Variants in RGL1 observed in about 807,000 individuals in gnomAD.
RGL1 encodes ral guanine nucleotide dissociation stimulator-like 1.
A neutral mutation model predicts 95.2 loss-of-function variants in RGL1; 24 were observed. That is an observed-to-expected ratio of 0.25 (90% confidence interval 0.18 to 0.35). RGL1 has a LOEUF of 0.35. Ranked by LOEUF, RGL1 falls within the 10% of genes least tolerant of loss-of-function variation. The pLI is 1.00. For synonymous variants in RGL1, 329 were observed against 344.9 expected (o/e 0.95, Z 0.51); for missense variants, 715 against 936.3 (o/e 0.76, Z 3.08).
intron 1 of RGL1, among the ~76,000 whole-genome samples, chr1:183,686,618 G>A (rs1572275882): frequency 6.6e-6 from 1 of 152,168 alleles, no homozygotes; most frequent in African/African-American, 2.4e-5. Context: ...TGCATAGAAA[G>A]GTTGTAGAAA....
chr1:183,816,610 T>C (rs541855466), intron 2 of RGL1, among the ~76,000 whole-genome samples: 180 of 152,354 alleles, frequency 1.2e-3, no homozygotes, highest in African/African-American at 3.9e-3. Context: ...GATGAGTTAA[T>C]GTGTATAAAA....
intron 1 of RGL1, among the ~76,000 whole-genome samples, chr1:183,654,447 A>G (rs1025824056): frequency 2.6e-5 from 4 of 152,210 alleles, no homozygotes; most frequent in African/African-American, 9.6e-5. Flanking sequence ...ATGACAATCT[A>G]TTGCAAACAT....
chr1:183,885,297 C>T (rs1667052380), intron 7 of RGL1, among the ~76,000 whole-genome samples: 1 of 152,174 alleles, frequency 6.6e-6, no homozygotes, highest in African/African-American at 2.4e-5. Flanking sequence ...GTATGGTCTG[C>T]ATGTCAAAAC....
At chr1:183,775,925 CT>C (rs1221151712) in intron 2 of RGL1, among the ~76,000 whole-genome samples, 1 of 152,036 alleles carries the variant, frequency 6.6e-6, no homozygotes, top group Non-Finnish European at 1.5e-5. Flanking sequence ...TATATTTGTG[CT>C]TTTCTATGTC....
chr1:183,905,159 C>T (rs1272766611), intron 13 of RGL1, among the ~76,000 whole-genome samples, 188 bp downstream of exon 13: 1 of 152,194 alleles, frequency 6.6e-6, no homozygotes, highest in Non-Finnish European at 1.5e-5. Context: ...GATGTACTTT[C>T]AGACTCTTGC....
intron 2 of RGL1, among the ~76,000 whole-genome samples, chr1:183,840,166 T>A (rs567550754): frequency 1.3e-5 from 2 of 152,156 alleles, no homozygotes; most frequent in African/African-American, 2.4e-5. Flanking sequence ...AGGACCCCTA[T>A]GGAATGAGGG....
intron 2 of RGL1, among the ~76,000 whole-genome samples, chr1:183,769,483 A>T (rs1659167301): frequency 6.6e-6 from 1 of 152,240 alleles, no homozygotes; most frequent in Non-Finnish European, 1.5e-5. Context: ...AAGTCACATG[A>T]ACTTGAAACA....
intron 9 of RGL1, among the ~76,000 whole-genome samples, chr1:183,895,949 C>G (rs899635244): frequency 1.3e-5 from 2 of 152,162 alleles, no homozygotes; most frequent in African/African-American, 4.8e-5. Flanking sequence ...TTTGAGATCC[C>G]TTTCACCTCT....
chr1:183,738,717 A>G (rs903811337), intron 1 of RGL1, among the ~76,000 whole-genome samples: 4 of 152,118 alleles, frequency 2.6e-5, no homozygotes, highest in Non-Finnish European at 4.4e-5. Context: ...CCTGGCCAAC[A>G]TGGTAAAATC....
intron 2 of RGL1, among the ~76,000 whole-genome samples, chr1:183,757,990 A>G (rs1160959102): frequency 4.6e-5 from 7 of 152,164 alleles, no homozygotes; most frequent in African/African-American, 1.4e-4. Context: ...ACTGGTACCA[A>G]TCTTGCTCTG....
Position 183,917,425 on chromosome 1 carries a change from A to C in RGL1, c.2004+724A>C, listed in dbSNP as rs1005532146. 3.3e-5 allele frequency among the ~76,000 whole-genome samples: 5 copies of C among 152,140 alleles called. 1 individual carries two copies. The highest frequency in any genetic ancestry group is 2.0e-4 in the Admixed American group (3 of 15,274). ...ATATAAACTCCTTAGTTTATGGGAG[A>C]TAATCATGTATTGGAAATCACTTTA... On this transcript the variant is annotated intron_variant, in intron 16 of 17. Coordinates refer to ENST00000360851, the MANE Select transcript of RGL1 (RefSeq NM_001297671.3).
At chr1:183,740,514 T>C (rs1657226489) in intron 1 of RGL1, among the ~76,000 whole-genome samples, 1 of 152,258 alleles carries the variant, frequency 6.6e-6, no homozygotes, top group African/African-American at 2.4e-5. Flanking sequence ...TAGATTTCAA[T>C]TTCCACTTAC....
rs1667788116 is a variant in RGL1 at position 183,897,793 on chromosome 1, A to C, written c.1141-15A>C. 5 of 1,602,376 alleles carry C rather than the reference A, an allele frequency of 3.1e-6. No homozygotes were observed. The highest frequency in any genetic ancestry group is 4.3e-6 in the Non-Finnish European group (5 of 1,169,434). On this transcript the variant is annotated splice_polypyrimidine_tract_variant and intron_variant, in intron 9 of 17. Transcript: ENST00000360851. Reference sequence around the variant, plus strand: ...TCCTGTATCAATTCCCTCTGTGTGCATTTCTGTTTCTCAGGAAGGAACCTC... The same window carrying C: ...TCCTGTATCAATTCCCTCTGTGTGCCTTTCTGTTTCTCAGGAAGGAACCTC...
chr1:183,792,619 G>C (rs763565073), intron 2 of RGL1, among the ~76,000 whole-genome samples: 1 of 151,974 alleles, frequency 6.6e-6, no homozygotes, highest in Non-Finnish European at 1.5e-5. Context: ...TAAAGTTTCA[G>C]GATACAAAAT....
At chr1:183,731,241 A>G (rs1368022555) in intron 1 of RGL1, among the ~76,000 whole-genome samples, 1 of 152,204 alleles carries the variant, frequency 6.6e-6, no homozygotes, top group African/African-American at 2.4e-5. Context: ...AAATAACTAG[A>G]CTTACAGGTT....
intron 2 of RGL1, among the ~76,000 whole-genome samples, chr1:183,787,980 G>A (rs1462619404): frequency 1.3e-5 from 2 of 152,046 alleles, no homozygotes; most frequent in Non-Finnish European, 2.9e-5. Flanking sequence ...GCAGAGCCAT[G>A]AGTCAAATAA....
intron 2 of RGL1, among the ~76,000 whole-genome samples, chr1:183,785,157 T>C (rs955881998): frequency 1.3e-5 from 2 of 152,080 alleles, no homozygotes; most frequent in African/African-American, 4.8e-5. Context: ...CTCCCCATAA[T>C]CTCCATTGCC....
intron 2 of RGL1, among the ~76,000 whole-genome samples, chr1:183,744,071 C>G (rs1208235538): frequency 3.9e-5 from 6 of 152,166 alleles, no homozygotes; most frequent in Non-Finnish European, 7.3e-5. Flanking sequence ...GAGAGAGGAG[C>G]TCATTGCCAA....
intron 2 of RGL1, among the ~76,000 whole-genome samples, chr1:183,781,721 A>G (rs1659914663): frequency 6.6e-6 from 1 of 152,162 alleles, no homozygotes; most frequent in Non-Finnish European, 1.5e-5. Flanking sequence ...TTTTCCTTTA[A>G]TGATGTGTCT....
Sources: gnomAD v4.1 joint callset for allele counts (sites outside exome capture counted in the v4.1 genomes callset) on GRCh38, gnomAD v4.1.1 for gene constraint, MANE v1.5 for transcripts, NCBI Gene and HGNC (gene_info 2026-07-23, HGNC 2026-07-21) for gene names.